DNAH11: variants seen among roughly 807,000 people sequenced by gnomAD.
DNAH11 encodes dynein axonemal heavy chain 11.
DNAH11 carries 442 observed loss-of-function variants against 526.0 expected under a neutral mutation model. That is an observed-to-expected ratio of 0.84 (90% confidence interval 0.78 to 0.91). The LOEUF (loss-of-function observed/expected upper bound fraction) is 0.91, where lower values mean the gene tolerates loss of function less well. DNAH11 is among the 40% of genes least tolerant of loss of function. DNAH11 has a pLI of 0.00. For synonymous variants in DNAH11, 2,461 were observed against 1,935.9 expected, an observed-to-expected ratio of 1.27 and a Z score of -7.12; for missense variants, 6,989 against 5,448.7, an observed-to-expected ratio of 1.28 and a Z score of -8.90.
chr7:21,623,085 T>C (rs1180666720), intron 25 of DNAH11, among the ~76,000 whole-genome samples: 1 of 151,642 alleles, frequency 6.6e-6, no homozygotes, highest in East Asian at 1.9e-4. Context: ...AAAGGGCTAA[T>C]ATCCAGAATC....
chr7:21,671,082 C>T (rs1304579732), intron 30 of DNAH11, among the ~76,000 whole-genome samples: 2 of 152,168 alleles, frequency 1.3e-5, no homozygotes, highest in Non-Finnish European at 2.9e-5. Context: ...TTATGTTAGA[C>T]ATCACTGGTG....
chr7:21,714,037 C>G (rs988348499), intron 42 of DNAH11, among the ~76,000 whole-genome samples: 3 of 152,132 alleles, frequency 2.0e-5, no homozygotes, highest in African/African-American at 4.8e-5. Flanking sequence ...GACCTCTTAC[C>G]CCTCCTGGGT....
In DNAH11 at chr7:21,687,438, T is replaced by G; in HGVS notation, c.5835T>G (p.Asp1945Glu). The stretch of plus-strand genomic sequence containing the variant: ...AGACAGGAGCTTGGGGCTGCTTTGA[T>G]GAGTTCAACCGAATCTCTGTGGAAG... The part of the protein sequence containing the change: ...LVQTGAWGCF[D>E]EFNRISVEVL... Residue 1945 changes from aspartate (D) to glutamate (E), a missense_variant, in exon 34 of 82, where the codon GAT becomes GAG. Transcript: ENST00000409508. 6.2e-7 allele frequency: 1 copy of G among 1,613,998 alleles called. No homozygotes were observed. Among genetic ancestry groups the G allele is most frequent in the Non-Finnish European group, 8.5e-7 (1 of 1,179,940 alleles).
intron 75 of DNAH11, 39 bp downstream of exon 75, chr7:21,880,932 T>C: frequency 6.5e-7 from 1 of 1,531,048 alleles, no homozygotes; most frequent in Non-Finnish European, 8.8e-7. Context: ...CCAAGGAGTT[T>C]ACAAAGCTGT....
Position 21,838,385 on chromosome 7 carries a change from A to T in DNAH11, c.10692-4159A>T, listed in dbSNP as rs186793378. Among the ~76,000 whole-genome samples, 176 of 152,318 alleles carry T rather than the reference A, an allele frequency of 1.2e-3. 1 individual carries two copies. The highest frequency in any genetic ancestry group is 3.7e-3 in the South Asian group (18 of 4,824). ...TTTTTTTGGTAGCATCCTTATCAAG[A>T]TATAAGTCACATATTATATAATTCA... On this transcript the variant is annotated intron_variant, in intron 65 of 81. Transcript: ENST00000409508.
intron 55 of DNAH11, among the ~76,000 whole-genome samples, chr7:21,768,898 T>G (rs1197272054): frequency 6.6e-6 from 1 of 152,220 alleles, no homozygotes; most frequent in Non-Finnish European, 1.5e-5. Flanking sequence ...TATTAATGAC[T>G]TTAAGCACAG....
intron 43 of DNAH11, among the ~76,000 whole-genome samples, chr7:21,720,299 C>G (rs1321485947): frequency 3.9e-5 from 6 of 152,164 alleles, no homozygotes. Context: ...CCTCTGCATC[C>G]ATTCCAGTGG....
At chr7:21,563,022 C>T (rs1309907452) in intron 5 of DNAH11, among the ~76,000 whole-genome samples, 1 of 152,164 alleles carries the variant, frequency 6.6e-6, no homozygotes, top group South Asian at 2.1e-4. Context: ...AAAATTTGTT[C>T]TCAGTTCCTC....
intron 1 of DNAH11, chr7:21,543,906 G>A (rs756796408): frequency 1.6e-5 from 6 of 385,884 alleles, no homozygotes; most frequent in Non-Finnish European, 2.3e-5. Flanking sequence ...GGCGCCAGGT[G>A]GGCTTTCTGT....
At chr7:21,701,690 A>T (rs540636819) in intron 36 of DNAH11, among the ~76,000 whole-genome samples, 8 of 152,208 alleles carry the variant, frequency 5.3e-5, no homozygotes, top group Non-Finnish European at 1.0e-4. Context: ...TGATTTTATT[A>T]TCCACTAGTG....
chr7:21,689,452 A>G (rs1372909171), intron 34 of DNAH11, among the ~76,000 whole-genome samples: 1 of 152,184 alleles, frequency 6.6e-6, no homozygotes. Flanking sequence ...CTCTGTACAC[A>G]TGAAGATTTA....
chr7:21,686,463 G>C (rs536785402), intron 32 of DNAH11, among the ~76,000 whole-genome samples: 1 of 152,074 alleles, frequency 6.6e-6, no homozygotes, highest in African/African-American at 2.4e-5. Context: ...AGGTATTCTT[G>C]TTTCATGATT....
chr7:21,727,799 G>A (rs951538306), intron 45 of DNAH11, among the ~76,000 whole-genome samples: 11 of 152,198 alleles, frequency 7.2e-5, no homozygotes, highest in Admixed American at 2.6e-4. Flanking sequence ...CAAAGACCAG[G>A]TGGCACAAAC....
chr7:21,901,443 C>G lies in DNAH11; in HGVS notation c.*189C>G, dbSNP rs62445901. 102,753 of 706,360 alleles carry G rather than the reference C, an allele frequency of 0.15. 8,601 individuals are homozygous for G. The highest frequency in any genetic ancestry group is 0.34 in the East Asian group (8,964 of 26,328). The allele number at this position is 706,360 out of a possible 1,614,324, so 43.8% of individuals were successfully genotyped here. ...ACTAACTCAGGGCTGAGCGTGGTGGCACACGACTGTAATCCCAGTTACTCA... is the reference window on the plus strand; with the variant it reads ...ACTAACTCAGGGCTGAGCGTGGTGGGACACGACTGTAATCCCAGTTACTCA... On this transcript the variant is annotated 3_prime_UTR_variant, in exon 82 of 82. Transcript: ENST00000409508.
At position 21,773,924 on chromosome 7, in the gene DNAH11, G is replaced by A. The variant is rs1787548944; in HGVS notation, c.9261G>A (p.Lys3087=). ...CACTGTTTAAGAACCTGTTGAAGAA[G>A]AAGCAAAATGAGGTATCCGAGAAAA... is the stretch of plus-strand genomic sequence containing the variant. ...QISLFKNLLK[K]KQNEVSEKKE... is the part of the protein sequence containing the mutation. Residue 3087 remains lysine, a synonymous_variant, in exon 56 of 82, where the codon AAG becomes AAA. Transcript: ENST00000409508. The A allele has an allele frequency of 4.4e-6, 7 of 1,593,700 alleles. No individual in the cohort carries two copies. Among genetic ancestry groups the A allele is most frequent in the Non-Finnish European group, 5.1e-6 (6 of 1,170,272 alleles).
chr7:21,704,534 A>T lies in DNAH11; in HGVS notation c.6374A>T (p.Asp2125Val). 1 of 1,613,818 alleles carries T rather than the reference A, an allele frequency of 6.2e-7. No homozygotes were observed. Among genetic ancestry groups the T allele is most frequent in the African/African-American group, 1.3e-5 (1 of 75,032 alleles). The change falls in exon 38 of 82, where the codon GAT becomes GTT. Residue 2125 changes from aspartate to valine, a missense_variant. By Grantham distance (152) the Asp-to-Val change is radical (BLOSUM62 -3). Transcript: ENST00000409508. ...GTCGGTGACCTGTTTCCAGCCCTGG[A>T]TGTGCCCCGGAGGAGGAAGCTGCAC... ...GLVGDLFPAL[D>V]VPRRRKLHFE...
At chr7:21,589,514 A>G (rs1423318812) in intron 12 of DNAH11, 111 bp downstream of exon 12, 3 of 910,924 alleles carry the variant, frequency 3.3e-6, no homozygotes, top group Non-Finnish European at 4.9e-6. Flanking sequence ...CAGAGTTGTG[A>G]GGACTGTAAC....
At chr7:21,827,420 T>G (rs1157698115) in intron 65 of DNAH11, among the ~76,000 whole-genome samples, 4 of 151,728 alleles carry the variant, frequency 2.6e-5, no homozygotes, top group Non-Finnish European at 1.5e-5. Flanking sequence ...TATTTTTGAA[T>G]TTTTTAAAAT....
At position 21,745,018 on chromosome 7, in the gene DNAH11, A is replaced by AT; in HGVS notation, c.8466dup (p.Ala2823CysfsTer9). 1 of 1,610,100 alleles carries AT rather than the reference A, an allele frequency of 6.2e-7. No individual in the cohort carries two copies. Among genetic ancestry groups the AT allele is most frequent in the Non-Finnish European group, 8.5e-7 (1 of 1,178,152 alleles). On this transcript the variant is annotated frameshift_variant, in exon 51 of 82. Coordinates refer to ENST00000409508, the MANE Select transcript of DNAH11 (RefSeq NM_001277115.2). LOFTEE classifies it high-confidence loss of function. ...ACGTTAGACAACTACAATGAACTAA[A>AT]TGCTGCCATGCACCTAGTTTTGTTT...
Sources: allele counts gnomAD v4.1 joint callset (sites outside exome capture counted in the v4.1 genomes callset), GRCh38; gene constraint gnomAD v4.1.1; transcripts MANE v1.5; gene names NCBI Gene and HGNC (gene_info 2026-07-23, HGNC 2026-07-21).